Variants in ST8SIA1 observed in about 807,000 individuals in gnomAD.
The protein encoded by ST8SIA1 is ST8 alpha-N-acetyl-neuraminide alpha-2,8-sialyltransferase 1.
In ST8SIA1, 16 loss-of-function variants were observed where a neutral mutation model predicts 35.9. The ratio of observed to expected loss-of-function variants is 0.45; its 90% CI spans 0.30 to 0.68. ST8SIA1 has a LOEUF of 0.68. ST8SIA1 is among the 30% of genes least tolerant of loss of function. The probability of loss-of-function intolerance (pLI) is 0.09; values close to 1 mark genes in which losing one functional copy is unlikely to be tolerated. For synonymous variants in ST8SIA1, 170 were observed against 169.6 expected, an observed-to-expected ratio of 1.00 and a Z score of -0.02; for missense variants, 383 against 453.6, an observed-to-expected ratio of 0.84 and a Z score of 1.41.
At chr12:22,274,458 T>C (rs981423541) in intron 2 of ST8SIA1, among the ~76,000 whole-genome samples, 2 of 152,098 alleles carry the variant, frequency 1.3e-5, no homozygotes, top group Non-Finnish European at 2.9e-5. Flanking sequence ...GAAAAAGAAA[T>C]TATCTTCACA....
intron 1 of ST8SIA1, among the ~76,000 whole-genome samples, chr12:22,319,906 A>G (rs1173828482): frequency 6.6e-6 from 1 of 152,156 alleles, no homozygotes; most frequent in African/African-American, 2.4e-5. Flanking sequence ...GGCAGTGAAG[A>G]GTGATTCTAA....
At chr12:22,208,954 A>G (rs1239069698) in intron 4 of ST8SIA1, among the ~76,000 whole-genome samples, 1 of 152,150 alleles carries the variant, frequency 6.6e-6, no homozygotes, top group Non-Finnish European at 1.5e-5. Flanking sequence ...CCTACCTCAC[A>G]TTGTCCCAAA....
chr12:22,274,867 C>A (rs1865951325), intron 2 of ST8SIA1, among the ~76,000 whole-genome samples: 1 of 152,218 alleles, frequency 6.6e-6, no homozygotes, highest in African/African-American at 2.4e-5. Flanking sequence ...GTGCCAGACC[C>A]TGTCTATGTG....
intron 1 of ST8SIA1, among the ~76,000 whole-genome samples, chr12:22,314,421 A>G (rs997845779): frequency 6.6e-6 from 1 of 152,204 alleles, no homozygotes; most frequent in Non-Finnish European, 1.5e-5. Context: ...ATCTACTGGG[A>G]GGATCACTTG....
At chr12:22,216,394 G>T (rs1173662536) in intron 4 of ST8SIA1, among the ~76,000 whole-genome samples, 1 of 152,052 alleles carries the variant, frequency 6.6e-6, no homozygotes, top group East Asian at 1.9e-4. Context: ...CCGATTACTT[G>T]GTGTTCATCA....
chr12:22,202,590 T>C (rs909866342), intron 4 of ST8SIA1, among the ~76,000 whole-genome samples: 1 of 152,232 alleles, frequency 6.6e-6, no homozygotes, highest in Non-Finnish European at 1.5e-5. Flanking sequence ...GTTGCCCATA[T>C]TGCTTGCTCC....
At chr12:22,225,955 T>G (rs926653567) in intron 4 of ST8SIA1, among the ~76,000 whole-genome samples, 2 of 152,162 alleles carry the variant, frequency 1.3e-5, no homozygotes, top group African/African-American at 4.8e-5. Flanking sequence ...ACATGAAGGC[T>G]TTCTTCCCCA....
rs753904104 is a variant in ST8SIA1, at chr12:22,287,222, T to G, written c.308A>C (p.Lys103Thr). The G allele has an allele frequency of 2.5e-6, 4 of 1,613,748 alleles. No homozygotes were observed. The highest frequency in any genetic ancestry group is 3.4e-6 in the Non-Finnish European group (4 of 1,179,632). The part of the protein sequence containing the change: ...AMTKMNSPMG[K>T]SMWYDGEFLY... ...AAACTCCCCGTCATACCACATGCTC[T>G]TCCCCATAGGGGAATTCATTTTAGT... The change falls in exon 2 of 5, where the codon AAG becomes ACG. Residue 103 changes from lysine to threonine, a missense_variant. Coordinates refer to ENST00000396037, the MANE Select transcript of ST8SIA1 (RefSeq NM_003034.4).
intron 1 of ST8SIA1, 115 bp downstream of exon 1, chr12:22,333,882 G>A (rs542837894): frequency 4.3e-6 from 4 of 919,918 alleles, no homozygotes; most frequent in South Asian, 1.3e-5. Flanking sequence ...ATGGAAGAGC[G>A]GATGAAAGGG....
In ST8SIA1 at chr12:22,334,160, G is replaced by A. The variant is rs1866813468; in HGVS notation, c.73C>T (p.Arg25Trp). Residue 25 changes from arginine to tryptophan, a missense_variant, in exon 1 of 5, where the codon CGG becomes TGG. Physicochemically the swap from Arg to Trp is moderately radical, Grantham distance 101 (BLOSUM62 -3). Coordinates refer to ENST00000396037, the MANE Select transcript of ST8SIA1 (RefSeq NM_003034.4). ...AMAVLAWKFP[R>W]TRLPMGASAL... ...CTGGCTCCCATGGGCAGCCGGGTCC[G>A]CGGGAACTTCCACGCCAGTACAGCC... 1 of 1,613,940 alleles carries A rather than the reference G, an allele frequency of 6.2e-7. No individual in the cohort carries two copies. The highest frequency in any genetic ancestry group is 1.7e-5 in the Admixed American group (1 of 60,006).
At chr12:22,219,771 T>C (rs913954349) in intron 4 of ST8SIA1, among the ~76,000 whole-genome samples, 2 of 152,154 alleles carry the variant, frequency 1.3e-5, no homozygotes, top group Non-Finnish European at 2.9e-5. Context: ...TTGCAATGAC[T>C]ACGTTAGGAG....
chr12:22,223,558 A>G (rs901004398), intron 4 of ST8SIA1: 1 of 1,050,200 alleles, frequency 9.5e-7, no homozygotes, highest in Non-Finnish European at 1.2e-6. Context: ...ATGAGGAGAC[A>G]GGGGCCCATT....
At chr12:22,222,314 C>A (rs1011031758) in intron 4 of ST8SIA1, among the ~76,000 whole-genome samples, 1 of 152,126 alleles carries the variant, frequency 6.6e-6, no homozygotes, top group South Asian at 2.1e-4. Flanking sequence ...TTGGTCCAAA[C>A]ATGTTCAGCA....
chr12:22,274,996 G>T (rs557740425), intron 2 of ST8SIA1, among the ~76,000 whole-genome samples: 89 of 152,306 alleles, frequency 5.8e-4, no homozygotes, highest in South Asian at 2.1e-3. Flanking sequence ...TTATTCAGTT[G>T]TATTAAGAGA....
intron 2 of ST8SIA1, among the ~76,000 whole-genome samples, chr12:22,261,840 T>C (rs1865795818): frequency 1.3e-5 from 2 of 152,170 alleles, no homozygotes; most frequent in East Asian, 1.9e-4. Context: ...CTAACTTCCC[T>C]GTTCATTCAT....
intron 1 of ST8SIA1, among the ~76,000 whole-genome samples, chr12:22,304,233 G>T (rs1866355428): frequency 6.6e-6 from 1 of 151,740 alleles, no homozygotes; most frequent in Non-Finnish European, 1.5e-5. Flanking sequence ...TTAATTACAA[G>T]CTAACATCCA....
chr12:22,212,233 A>G (rs914663707), intron 4 of ST8SIA1, among the ~76,000 whole-genome samples: 2 of 152,156 alleles, frequency 1.3e-5, no homozygotes, highest in Non-Finnish European at 2.9e-5. Flanking sequence ...CTGTATAATA[A>G]CTTTAATTTG....
At chr12:22,223,732 T>C in intron 4 of ST8SIA1, 1 of 1,259,394 alleles carries the variant, frequency 7.9e-7, no homozygotes, top group East Asian at 6.4e-5. Context: ...ATTTCCTTAA[T>C]CAAGAATCTA....
chr12:22,218,612 A>AAGATAAATAAATAAAT (rs1865261258), intron 4 of ST8SIA1, among the ~76,000 whole-genome samples: 1 of 139,274 alleles, frequency 7.2e-6, no homozygotes, highest in African/African-American at 2.7e-5. Flanking sequence ...AGCGAGACTC[A>AAGATAAATAAATAAAT]AAATAAATAA....
Sources: allele counts gnomAD v4.1 joint callset (sites outside exome capture counted in the v4.1 genomes callset), GRCh38; gene constraint gnomAD v4.1.1; transcripts MANE v1.5; gene names NCBI Gene and HGNC (gene_info 2026-07-23, HGNC 2026-07-21).